Variants in USP47 observed in about 807,000 individuals in gnomAD.
The protein encoded by USP47 is ubiquitin specific peptidase 47, also known as ubiquitin carboxyl-terminal hydrolase 47.
Under a neutral mutation model 165.1 loss-of-function variants are expected in USP47, and 35 were observed. That is an observed-to-expected ratio of 0.21 (90% CI 0.16 to 0.28). The LOEUF (loss-of-function observed/expected upper bound fraction) is 0.28, where lower values mean the gene tolerates loss of function less well. Ranked by LOEUF, USP47 falls within the 10% of genes least tolerant of loss-of-function variation. The probability of loss-of-function intolerance (pLI) is 1.00; values close to 1 mark genes in which losing one functional copy is unlikely to be tolerated. For missense variants in USP47, 1,277 were observed against 1,607.4 expected (o/e 0.79, Z 3.52); for synonymous variants, 531 against 544.5 (o/e 0.98, Z 0.35).
At chr11:11,902,027 A>G (rs1343190340) in intron 5 of USP47, among the ~76,000 whole-genome samples, 15 of 151,456 alleles carry the variant, frequency 9.9e-5, no homozygotes. Context: ...AGCTTTGAAT[A>G]TTATTAATAT....
chr11:11,951,151 TAGATAC>T (rs1176989818), intron 24 of USP47: 2 of 152,354 alleles, frequency 1.3e-5, no homozygotes, highest in African/African-American at 4.8e-5. Flanking sequence ...CCTTGGCTTG[TAGATAC>T]ATCACCCCAG....
At chr11:11,908,360 A>G (rs1029452518) in intron 8 of USP47, among the ~76,000 whole-genome samples, 2 of 151,956 alleles carry the variant, frequency 1.3e-5, no homozygotes, top group Non-Finnish European at 2.9e-5. Flanking sequence ...GCTGGTCTCA[A>G]ACTCCTGGCC....
intron 20 of USP47, among the ~76,000 whole-genome samples, chr11:11,947,288 G>A (rs1855905481): frequency 6.6e-6 from 1 of 152,158 alleles, no homozygotes; most frequent in African/African-American, 2.4e-5. Context: ...TTTAAGCCGG[G>A]AAGAGGTAAG....
At chr11:11,899,584 C>T (rs2134429500) in intron 5 of USP47, among the ~76,000 whole-genome samples, 1 of 152,062 alleles carries the variant, frequency 6.6e-6, no homozygotes, top group Middle Eastern at 3.4e-3. Context: ...GTCACAGCTT[C>T]AGGTAGTAGA....
In USP47 at chr11:11,936,343, G is replaced by A; in HGVS notation, c.1910G>A (p.Arg637His). 1.0e-5 allele frequency: 16 copies of A among 1,605,362 alleles called. No homozygotes were observed. The highest frequency in any genetic ancestry group is 1.3e-5 in the African/African-American group (1 of 74,570). Residue 637 changes from arginine to histidine, a missense_variant, in exon 17 of 28, where the codon CGC becomes CAC. Around this residue, in one of 4 missense-constraint regions of USP47, gnomAD observed 909 missense variants for 1,068.1 expected, o/e 0.85. Transcript: ENST00000527733. ...GAGGTAATACCCCTGGATTGCTGTC[G>A]CCTTGTTAAATATGATGAGTTTCAT... ...LEEVIPLDCC[R>H]LVKYDEFHDY...
intron 20 of USP47, among the ~76,000 whole-genome samples, 173 bp from the exon 21 acceptor site, chr11:11,947,772 A>T (rs114471231): frequency 0.019 from 2,860 of 152,228 alleles, 68 homozygotes; most frequent in African/African-American, 0.055. Context: ...CCTATCAGAA[A>T]CCCTGTGTCC....
chr11:11,881,850 A>G (rs1850853792), intron 2 of USP47, among the ~76,000 whole-genome samples: 1 of 152,134 alleles, frequency 6.6e-6, no homozygotes, highest in African/African-American at 2.4e-5. Flanking sequence ...TCAGCTCCTA[A>G]GGCCCCAACG....
intron 11 of USP47, among the ~76,000 whole-genome samples, chr11:11,924,692 T>A (rs1249162325): frequency 6.6e-6 from 1 of 152,190 alleles, no homozygotes; most frequent in Non-Finnish European, 1.5e-5. Context: ...GGTTTGTGAT[T>A]TTTAAGAAGT....
intron 1 of USP47, among the ~76,000 whole-genome samples, chr11:11,872,019 A>G (rs940256570): frequency 1.3e-5 from 2 of 152,214 alleles, no homozygotes; most frequent in South Asian, 2.1e-4. Flanking sequence ...ATCTTTTGCT[A>G]TATAACAATC....
Position 11,944,765 on chromosome 11 carries a change from T to C in USP47, c.3091+1653T>C, listed in dbSNP as rs1017740623. On this transcript the variant is annotated intron_variant, in intron 20 of 27. Coordinates refer to ENST00000527733, the MANE Select transcript of USP47 (RefSeq NM_001282659.2). Reference sequence around the variant, plus strand: ...GGAAAAATAGTAGTAACTGCTCTGCTTTTTTACCATACTCAACCCATCAAG... The same window carrying C: ...GGAAAAATAGTAGTAACTGCTCTGCCTTTTTACCATACTCAACCCATCAAG... Among the ~76,000 whole-genome samples, 5 of 152,166 alleles carry C rather than the reference T, an allele frequency of 3.3e-5. No homozygotes were observed. The South Asian group carries it at 1.0e-3, about 32-fold the overall frequency.
intron 1 of USP47, among the ~76,000 whole-genome samples, chr11:11,864,581 C>T (rs1051695338): frequency 6.6e-6 from 1 of 151,870 alleles, no homozygotes; most frequent in East Asian, 1.9e-4. Flanking sequence ...CTTTCCATCT[C>T]GGTGAATTTG....
chr11:11,942,853 C>G lies in USP47; in HGVS notation c.2832C>G (p.Ser944=). 1.9e-6 allele frequency: 3 copies of G among 1,613,708 alleles called. No individual in the cohort carries two copies. The highest frequency in any genetic ancestry group is 2.5e-6 in the Non-Finnish European group (3 of 1,179,758). The change falls in exon 20 of 28, where the codon TCC becomes TCG. Residue 944 remains serine, a synonymous_variant. Coordinates refer to ENST00000527733, the MANE Select transcript of USP47 (RefSeq NM_001282659.2). ...CAGTGGACAGTGATATTCTTAGCTCCAGTCATAGCAGTGATACTTTGTGCA... is the reference window on the plus strand; with the variant it reads ...CAGTGGACAGTGATATTCTTAGCTCGAGTCATAGCAGTGATACTTTGTGCA... ...TSSVDSDILS[S]SHSSDTLCNA...
rs1363641591 is a variant in USP47 at position 11,913,244 on chromosome 11, GA to G, written c.970-6908del. Among the ~76,000 whole-genome samples, 3 of 42,248 alleles carry G rather than the reference GA, an allele frequency of 7.1e-5. No homozygotes were observed. The East Asian group carries it at 2.0e-3, about 28-fold the overall frequency. 27.7% of individuals were successfully genotyped at this position (42,248 alleles called of 152,430 possible). On this transcript the variant is annotated intron_variant, in intron 8 of 27. Transcript: ENST00000527733. ...TTTAGGTGATATGATTATCTATGTAGAAAATCCCTTGTACAAAAAAAAAAAA... is the reference window on the plus strand; with the variant it reads ...TTTAGGTGATATGATTATCTATGTAGAAATCCCTTGTACAAAAAAAAAAAA...
rs745905359 is a variant in USP47 at position 11,940,432 on chromosome 11, A to G, written c.2197A>G (p.Ile733Val). 3.1e-6 allele frequency: 5 copies of G among 1,606,540 alleles called. No individual in the cohort carries two copies. The highest frequency in any genetic ancestry group is 4.3e-6 in the Non-Finnish European group (5 of 1,176,074). ...TATTAAATTGCTTTCATTATAGGCCATCCATTTACCTGCTGAAACAATGAG... is the reference window on the plus strand; with the variant it reads ...TATTAAATTGCTTTCATTATAGGCCGTCCATTTACCTGCTGAAACAATGAG... ...TEFKQLISKA[I>V]HLPAETMRIV... is the part of the protein sequence containing the mutation. The change falls in exon 19 of 28, where the codon ATC becomes GTC. Residue 733 changes from isoleucine to valine, a missense_variant. Physicochemically the swap from Ile to Val is conservative, Grantham distance 29. Around this residue, in one of 4 missense-constraint regions of USP47, gnomAD observed 909 missense variants for 1,068.1 expected, o/e 0.85. Transcript: ENST00000527733.
chr11:11,953,710 A>G (rs1856369085), intron 25 of USP47, among the ~76,000 whole-genome samples: 1 of 152,238 alleles, frequency 6.6e-6, no homozygotes, highest in Admixed American at 6.5e-5. Flanking sequence ...TAATTTTAAG[A>G]AAGACAGCAT....
intron 8 of USP47, among the ~76,000 whole-genome samples, chr11:11,915,327 C>T (rs190696133): frequency 5.3e-5 from 8 of 152,088 alleles, no homozygotes; most frequent in African/African-American, 1.7e-4. Flanking sequence ...CCAGGTCTTA[C>T]GGATTTGGTG....
chr11:11,942,740 G>C lies in USP47; in HGVS notation c.2719G>C (p.Glu907Gln). ...AGCATCAGTGGATAATAGAGAACTT[G>C]AACAGCATATTCAGACTTCTGATCC... ...SSASVDNREL[E>Q]QHIQTSDPEN... The change falls in exon 20 of 28, where the codon GAA becomes CAA. Residue 907 changes from glutamate to glutamine, a missense_variant. Around this residue, in one of 4 missense-constraint regions of USP47, gnomAD observed 909 missense variants for 1,068.1 expected, o/e 0.85. Coordinates refer to ENST00000527733, the MANE Select transcript of USP47 (RefSeq NM_001282659.2). 2 of 1,613,588 alleles carry C rather than the reference G, an allele frequency of 1.2e-6. No homozygotes were observed. The highest frequency in any genetic ancestry group is 1.7e-6 in the Non-Finnish European group (2 of 1,179,744).
Position 11,956,328 on chromosome 11 carries a change from C to A in USP47, c.*153C>A. On this transcript the variant is annotated 3_prime_UTR_variant, in exon 28 of 28. Coordinates refer to ENST00000527733, the MANE Select transcript of USP47 (RefSeq NM_001282659.2). ...CCCTACACCAATCAGAAGCTCAGTG[C>A]CCAATGGGCCACTGTTTTGACTCGG... 1.6e-6 allele frequency: 1 copy of A among 618,202 alleles called. No homozygotes were observed. The highest frequency in any genetic ancestry group is 2.7e-6 in the Non-Finnish European group (1 of 369,618). 38.3% of individuals were successfully genotyped at this position (618,202 alleles called of 1,614,324 possible). A position where few individuals can be genotyped will look rare whatever the true frequency, so the allele number is the denominator to read the frequency against.
chr11:11,842,129 C>G lies in USP47; in HGVS notation c.-57C>G. ...TGCCATTCTCTCTTGAGCTAGCGAG[C>G]CGCCGCCACCCTCCACCCTCCCCCG... is the stretch of plus-strand genomic sequence containing the variant. On this transcript the variant is annotated 5_prime_UTR_variant, in exon 1 of 28. Coordinates refer to ENST00000527733, the MANE Select transcript of USP47 (RefSeq NM_001282659.2). 1 of 1,544,240 alleles carries G rather than the reference C, an allele frequency of 6.5e-7. No individual in the cohort carries two copies. The highest frequency in any genetic ancestry group is 8.8e-7 in the Non-Finnish European group (1 of 1,142,602).
Sources: allele counts gnomAD v4.1 joint callset (sites outside exome capture counted in the v4.1 genomes callset), GRCh38; gene constraint gnomAD v4.1.1; regional missense constraint gnomAD v4.1.1; transcripts MANE v1.5; gene names NCBI Gene and HGNC (gene_info 2026-07-23, HGNC 2026-07-21).